ADCY2: variants seen among roughly 807,000 people sequenced by gnomAD.
ADCY2 encodes the protein adenylate cyclase type 2.
In ADCY2, 31 loss-of-function variants were observed where a neutral mutation model predicts 125.2. The ratio of observed to expected loss-of-function variants is 0.25; its 90% CI spans 0.19 to 0.33. The LOEUF is 0.33. ADCY2 is among the 10% of genes least tolerant of loss of function. ADCY2 has a pLI of 1.00. For missense variants in ADCY2, 904 were observed against 1,418.2 expected (o/e 0.64, Z 5.82); for synonymous variants, 512 against 548.4 (o/e 0.93, Z 0.93).
intron 1 of ADCY2, among the ~76,000 whole-genome samples, chr5:7,408,150 A>G (rs552634135): frequency 1.3e-5 from 2 of 151,858 alleles, no homozygotes; most frequent in South Asian, 4.2e-4. Context: ...GATTATAGGC[A>G]TGAGCCACCG....
chr5:7,407,145 G>A (rs966575802), intron 1 of ADCY2, among the ~76,000 whole-genome samples: 1 of 152,150 alleles, frequency 6.6e-6, no homozygotes, highest in African/African-American at 2.4e-5. Context: ...CATTGTCAAC[G>A]TTCAGACCAT....
chr5:7,666,489 C>T (rs181794151), intron 4 of ADCY2, among the ~76,000 whole-genome samples: 118 of 152,094 alleles, frequency 7.8e-4, no homozygotes, highest in Middle Eastern at 6.8e-3. Flanking sequence ...AGGATGGTCT[C>T]GATCTCCGGA....
At chr5:7,447,679 G>A (rs1360919977) in intron 2 of ADCY2, among the ~76,000 whole-genome samples, 2 of 152,230 alleles carry the variant, frequency 1.3e-5, no homozygotes, top group African/African-American at 4.8e-5. Context: ...GCAGGAGGAG[G>A]CTATTCTGAG....
At chr5:7,423,392 GT>G (rs1179717076) in intron 2 of ADCY2, among the ~76,000 whole-genome samples, 3 of 152,174 alleles carry the variant, frequency 2.0e-5, no homozygotes, top group African/African-American at 7.2e-5. Flanking sequence ...AGCTCCCATA[GT>G]CCCCATGTGT....
rs200756231 is a variant in ADCY2, at chr5:7,757,607, G to A, written c.2094+21G>A. On this transcript the variant is annotated intron_variant, in intron 16 of 24. Coordinates refer to ENST00000338316, the MANE Select transcript of ADCY2 (RefSeq NM_020546.3). Reference sequence around the variant, plus strand: ...ACATGGTAAGTCCCAGAGCACGGCCGTGTTCAACATGGTAAGCCCCAGAGC... The same window carrying A: ...ACATGGTAAGTCCCAGAGCACGGCCATGTTCAACATGGTAAGCCCCAGAGC... 7.9e-5 allele frequency: 127 copies of A among 1,606,218 alleles called. 1 individual carries two copies. The East Asian group carries it at 1.6e-3, about 20-fold the overall frequency.
At chr5:7,508,714 G>A (rs1743940025) in intron 2 of ADCY2, among the ~76,000 whole-genome samples, 1 of 152,220 alleles carries the variant, frequency 6.6e-6, no homozygotes, top group Admixed American at 6.5e-5. Flanking sequence ...ATGGCCGGGT[G>A]AGGAAGGAGA....
intron 2 of ADCY2, among the ~76,000 whole-genome samples, chr5:7,416,654 T>C (rs1184462632): frequency 6.6e-6 from 1 of 152,136 alleles, no homozygotes; most frequent in Non-Finnish European, 1.5e-5. Flanking sequence ...GACTGCAGGA[T>C]CAATATAAAA....
intron 3 of ADCY2, among the ~76,000 whole-genome samples, chr5:7,592,265 T>G (rs566196304): frequency 1.3e-5 from 2 of 152,206 alleles, no homozygotes; most frequent in Non-Finnish European, 2.9e-5. Context: ...TTAAATATTA[T>G]GAAAACAGAC....
At chr5:7,448,289 C>T (rs1311783470) in intron 2 of ADCY2, among the ~76,000 whole-genome samples, 1 of 152,288 alleles carries the variant, frequency 6.6e-6, no homozygotes, top group South Asian at 2.1e-4. Context: ...AGAAGGGTCT[C>T]TGAAGAATGT....
intron 4 of ADCY2, among the ~76,000 whole-genome samples, chr5:7,631,827 G>A (rs1454261195): frequency 2.6e-5 from 4 of 152,154 alleles, no homozygotes; most frequent in Admixed American, 1.3e-4. Context: ...GGAGTCTGCA[G>A]CTTTGTCTGC....
intron 3 of ADCY2, among the ~76,000 whole-genome samples, chr5:7,601,305 G>A (rs1183161528): frequency 6.6e-6 from 1 of 151,304 alleles, no homozygotes; most frequent in African/African-American, 2.5e-5. Context: ...AACAAATATC[G>A]TGATGAATTA....
intron 7 of ADCY2, among the ~76,000 whole-genome samples, chr5:7,705,710 A>C (rs979657104): frequency 6.6e-6 from 1 of 152,198 alleles, no homozygotes; most frequent in African/African-American, 2.4e-5. Flanking sequence ...CCAAATGGGT[A>C]GCTGGGTTTT....
At position 7,717,137 on chromosome 5, in the gene ADCY2, A is replaced by T; in HGVS notation, c.1623-20A>T. On this transcript the variant is annotated intron_variant, in intron 11 of 24. Coordinates refer to ENST00000338316, the MANE Select transcript of ADCY2 (RefSeq NM_020546.3). Reference sequence around the variant, plus strand: ...TTTACTAATAATATCCTTACCCATAATATTCCATTTTTCATATAGAACCAA... The same window carrying T: ...TTTACTAATAATATCCTTACCCATATTATTCCATTTTTCATATAGAACCAA... 6.6e-7 allele frequency: 1 copy of T among 1,524,430 alleles called. No homozygotes were observed. The highest frequency in any genetic ancestry group is 9.1e-7 in the Non-Finnish European group (1 of 1,104,524). 94.4% of individuals were successfully genotyped at this position (1,524,430 alleles called of 1,614,324 possible). A position where few individuals can be genotyped will look rare whatever the true frequency, so the allele number is the denominator to read the frequency against.
chr5:7,738,571 T>C (rs1742315810), intron 14 of ADCY2, among the ~76,000 whole-genome samples: 1 of 151,838 alleles, frequency 6.6e-6, no homozygotes, highest in Non-Finnish European at 1.5e-5. Flanking sequence ...AATTCAAACA[T>C]TATAAATGGG....
chr5:7,518,714 A>G, intron 2 of ADCY2, among the ~76,000 whole-genome samples: 1 of 152,094 alleles, frequency 6.6e-6, no homozygotes, highest in Non-Finnish European at 1.5e-5. Flanking sequence ...TTTCCCACTC[A>G]CAGTGGGTTT....
chr5:7,421,047 C>G (rs1181111297), intron 2 of ADCY2, among the ~76,000 whole-genome samples: 4 of 152,236 alleles, frequency 2.6e-5, no homozygotes, highest in African/African-American at 9.6e-5. Context: ...TTACACAACA[C>G]AGCAAGGATT....
chr5:7,625,750 C>T (rs1478481403), intron 3 of ADCY2, among the ~76,000 whole-genome samples: 4 of 152,134 alleles, frequency 2.6e-5, no homozygotes, highest in African/African-American at 2.4e-5. Context: ...CAGCTCTGCT[C>T]CATGTGTCTC....
chr5:7,668,665 G>T (rs1739835783), intron 4 of ADCY2, among the ~76,000 whole-genome samples: 1 of 152,156 alleles, frequency 6.6e-6, no homozygotes, highest in South Asian at 2.1e-4. Flanking sequence ...AACAGAAAGG[G>T]TGTGTTTTTA....
intron 11 of ADCY2, among the ~76,000 whole-genome samples, chr5:7,713,262 G>A (rs1027018106): frequency 4.0e-5 from 6 of 151,700 alleles, no homozygotes; most frequent in Non-Finnish European, 5.9e-5. Flanking sequence ...AGGCTGAGGC[G>A]GGTGGATCAC....
Sources: allele counts gnomAD v4.1 joint callset (sites outside exome capture counted in the v4.1 genomes callset), GRCh38; gene constraint gnomAD v4.1.1; transcripts MANE v1.5; gene names NCBI Gene and HGNC (gene_info 2026-07-23, HGNC 2026-07-21).